The following BNC2 variants were observed in gnomAD, a reference collection of about 807,000 sequenced individuals.
The protein encoded by BNC2 is zinc finger protein basonuclin-2.
Under a neutral mutation model 76.3 loss-of-function variants are expected in BNC2, and 20 were observed. That is an observed-to-expected ratio of 0.26 (90% CI 0.18 to 0.38). The LOEUF is 0.38. Ranked by LOEUF, BNC2 falls within the 10% of genes least tolerant of loss-of-function variation. The probability of loss-of-function intolerance (pLI) is 1.00; values close to 1 mark genes in which losing one functional copy is unlikely to be tolerated. For synonymous variants in BNC2, 582 were observed against 514.8 expected (o/e 1.13, Z -1.77); for missense variants, 1,382 against 1,399.8 (o/e 0.99, Z 0.20).
intron 3 of BNC2, among the ~76,000 whole-genome samples, chr9:16,664,264 C>T (rs1378048834): frequency 6.6e-6 from 1 of 152,162 alleles, no homozygotes; most frequent in Non-Finnish European, 1.5e-5. Flanking sequence ...CTCCTTTCCA[C>T]GCCAGTCCTT....
chr9:16,445,793 G>C (rs548919719), intron 5 of BNC2, among the ~76,000 whole-genome samples: 2 of 152,294 alleles, frequency 1.3e-5, no homozygotes, highest in South Asian at 4.1e-4. Flanking sequence ...AACTGCCTTT[G>C]TCATGAAGTA....
intron 3 of BNC2, among the ~76,000 whole-genome samples, chr9:16,592,542 G>A (rs1277792200): frequency 1.3e-5 from 2 of 152,142 alleles, no homozygotes; most frequent in Admixed American, 6.6e-5. Context: ...GAGGCTTAGG[G>A]TGACAGCTAA....
chr9:16,702,649 T>A (rs1322062562), intron 3 of BNC2, among the ~76,000 whole-genome samples: 6 of 151,198 alleles, frequency 4.0e-5, no homozygotes, highest in Admixed American at 1.3e-4. Context: ...CATCCTACAC[T>A]ACTATTTCCA....
intron 3 of BNC2, among the ~76,000 whole-genome samples, chr9:16,603,132 A>T (rs1235379329): frequency 6.6e-6 from 1 of 152,192 alleles, no homozygotes; most frequent in Non-Finnish European, 1.5e-5. Flanking sequence ...GATTAGGTTA[A>T]ATCTATCAAG....
At chr9:16,837,915 T>C (rs750811339) in intron 1 of BNC2, among the ~76,000 whole-genome samples, 1 of 151,154 alleles carries the variant, frequency 6.6e-6, no homozygotes, top group South Asian at 2.1e-4. Context: ...GCAACAAGAG[T>C]GAAACTCTGT....
chr9:16,563,971 T>C (rs1382853101), intron 4 of BNC2, among the ~76,000 whole-genome samples: 3 of 152,146 alleles, frequency 2.0e-5, no homozygotes, highest in African/African-American at 7.2e-5. Context: ...AAAATTTCTA[T>C]TTCTAAATAT....
intron 1 of BNC2, among the ~76,000 whole-genome samples, chr9:16,802,418 TC>T (rs1388575546): frequency 9.9e-5 from 15 of 152,176 alleles, no homozygotes; most frequent in African/African-American, 3.6e-4. Flanking sequence ...TATCCTTCAC[TC>T]CCGTGCCCAT....
At chr9:16,737,042 G>A (rs1158661600) in intron 2 of BNC2, among the ~76,000 whole-genome samples, 2 of 151,730 alleles carry the variant, frequency 1.3e-5, no homozygotes, top group East Asian at 3.9e-4. Context: ...CCAACCTCAG[G>A]AGATCCACCT....
intron 6 of BNC2, among the ~76,000 whole-genome samples, chr9:16,431,179 G>T (rs1254968103): frequency 6.6e-6 from 1 of 152,156 alleles, no homozygotes; most frequent in Non-Finnish European, 1.5e-5. Flanking sequence ...TTTTAGAACT[G>T]CCAATCATTA....
intron 5 of BNC2, among the ~76,000 whole-genome samples, chr9:16,451,757 A>G: frequency 6.6e-6 from 1 of 152,150 alleles, no homozygotes; most frequent in East Asian, 1.9e-4. Flanking sequence ...CTGCCCCTTC[A>G]GTGATCTGCT....
intron 5 of BNC2, among the ~76,000 whole-genome samples, chr9:16,475,564 A>G (rs963307108): frequency 2.0e-5 from 3 of 152,234 alleles, no homozygotes; most frequent in Admixed American, 2.0e-4. Flanking sequence ...CATTACACAA[A>G]ATGCATAATT....
chr9:16,527,758 GC>G (rs1279091893), intron 5 of BNC2, among the ~76,000 whole-genome samples: 1 of 152,194 alleles, frequency 6.6e-6, no homozygotes, highest in Admixed American at 6.5e-5. Flanking sequence ...TTACACGGAT[GC>G]CACAAACTGT....
At chr9:16,679,424 C>A (rs1271129401) in intron 3 of BNC2, among the ~76,000 whole-genome samples, 1 of 152,226 alleles carries the variant, frequency 6.6e-6, no homozygotes, top group Admixed American at 6.5e-5. Context: ...TTCACTTCTA[C>A]TCATGAGCTA....
chr9:16,866,152 CTG>C (rs777732148), intron 1 of BNC2, among the ~76,000 whole-genome samples: 1 of 152,040 alleles, frequency 6.6e-6, no homozygotes, highest in Non-Finnish European at 1.5e-5. Flanking sequence ...TTTAACATAA[CTG>C]TATCACAAAT....
chr9:16,499,724 T>A (rs763203736), intron 5 of BNC2, among the ~76,000 whole-genome samples: 5 of 151,762 alleles, frequency 3.3e-5, no homozygotes, highest in Non-Finnish European at 5.9e-5. Flanking sequence ...AGAGATGGGG[T>A]TTCACCATAT....
intron 1 of BNC2, among the ~76,000 whole-genome samples, chr9:16,778,189 C>CT (rs1425958363): frequency 6.6e-6 from 1 of 152,156 alleles, no homozygotes; most frequent in East Asian, 1.9e-4. Flanking sequence ...GATACATACA[C>CT]ACAAATACTA....
chr9:16,824,439 TCTA>T (rs901979822), intron 1 of BNC2, among the ~76,000 whole-genome samples: 5 of 152,148 alleles, frequency 3.3e-5, no homozygotes, highest in Admixed American at 1.3e-4. Flanking sequence ...TCAAGTAAAA[TCTA>T]CTACAAGAAA....
chr9:16,419,233 A>C lies in BNC2; in HGVS notation c.3056T>G (p.Val1019Gly). ...GCTGCTGAACATAAGAGATCCTGAA[A>C]CTTCAGCCCCTAGGCTGCCAGGGAG... The part of the protein sequence containing the change: ...PALPGSLGAE[V>G]SGSLMFSSLS... The change falls in exon 7 of 7, where the codon GTT (valine) becomes GGT (glycine). Residue 1019 changes from valine (V) to glycine (G), a missense_variant. Around this residue, in one of 3 missense-constraint regions of BNC2, gnomAD observed 798 missense variants for 775.5 expected, o/e 1.03. Coordinates refer to ENST00000380672, the MANE Select transcript of BNC2 (RefSeq NM_017637.6). 6.2e-6 allele frequency: 10 copies of C among 1,614,084 alleles called. No individual in the cohort carries two copies. Among genetic ancestry groups the C allele is most frequent in the Non-Finnish European group, 8.5e-6 (10 of 1,180,016 alleles).
rs566194892 is a variant in BNC2, at chr9:16,575,252, T to C, written c.433+7731A>G. 10 of 985,154 alleles carry C rather than the reference T, an allele frequency of 1.0e-5. No individual in the cohort carries two copies. The Admixed American group carries it at 4.3e-4, about 42-fold the overall frequency. The allele number at this position is 985,154 out of a possible 1,614,324, so 61.0% of individuals were successfully genotyped here. A position where few individuals can be genotyped will look rare whatever the true frequency, so the allele number is the denominator to read the frequency against. On this transcript the variant is annotated intron_variant, in intron 4 of 6. Coordinates refer to ENST00000380672, the MANE Select transcript of BNC2 (RefSeq NM_017637.6). ...GAACAACATTCTTACCTATTTTGTA[T>C]ATTGCCTCCCATTCATTCACCCGAA...
Sources: gnomAD v4.1 joint callset for allele counts (sites outside exome capture counted in the v4.1 genomes callset) on GRCh38, gnomAD v4.1.1 for gene constraint, gnomAD v4.1.1 regional missense constraint, MANE v1.5 for transcripts, NCBI Gene and HGNC (gene_info 2026-07-23, HGNC 2026-07-21) for gene names.